The following GCKR variants were observed in gnomAD, a reference collection of about 807,000 sequenced individuals.
GCKR encodes glucokinase regulator.
In GCKR, 73 loss-of-function variants were observed where a neutral mutation model predicts 82.9. The ratio of observed to expected loss-of-function variants is 0.88; its 90% CI spans 0.73 to 1.07. GCKR has a LOEUF of 1.07. Ranked by LOEUF, GCKR falls within the 50% of genes least tolerant of loss-of-function variation. The pLI is 0.00. For missense variants in GCKR, 784 were observed against 782.1 expected, an observed-to-expected ratio of 1.00 and a Z score of -0.03; for synonymous variants, 294 against 291.8, an observed-to-expected ratio of 1.01 and a Z score of -0.08.
chr2:27,518,151 T>G (rs559460889), intron 16 of GCKR, among the ~76,000 whole-genome samples: 70 of 152,320 alleles, frequency 4.6e-4, no homozygotes, highest in Non-Finnish European at 5.3e-4. Flanking sequence ...GTTCAAGTGA[T>G]TCTTGTGCCT....
intron 16 of GCKR, among the ~76,000 whole-genome samples, chr2:27,515,837 C>A (rs529175304): frequency 6.8e-6 from 1 of 146,880 alleles, no homozygotes; most frequent in South Asian, 2.1e-4. Context: ...GATCAGATTT[C>A]ACTGCAACCT....
chr2:27,501,130 A>G lies in GCKR; in HGVS notation c.550-5A>G, dbSNP rs1669563971. 3.7e-6 allele frequency: 6 copies of G among 1,606,794 alleles called. No individual in the cohort carries two copies. Among genetic ancestry groups the G allele is most frequent in the Non-Finnish European group, 4.3e-6 (5 of 1,173,266 alleles). ...CATCATGCCCTTCTCTCTCTTCACC[A>G]TCAGGCTCCCTTTGTGGCAGGCCAG... On this transcript the variant is annotated splice_region_variant and splice_polypyrimidine_tract_variant and intron_variant, in intron 7 of 18. Coordinates refer to ENST00000264717, the MANE Select transcript of GCKR (RefSeq NM_001486.4).
Position 27,518,805 on chromosome 2 carries a change from A to T in GCKR, c.1440A>T (p.Leu480=), listed in dbSNP as rs534984839. The T allele has an allele frequency of 2.5e-6, 4 of 1,613,106 alleles. No individual in the cohort carries two copies. The highest frequency in any genetic ancestry group is 3.4e-6 in the Non-Finnish European group (4 of 1,179,018). ...CTTTTCAGAAGTTCCAGCGTGAGCTAAGCACCAAATGGGTGCTGAATACAG... is the reference window on the plus strand; with the variant it reads ...CTTTTCAGAAGTTCCAGCGTGAGCTTAGCACCAAATGGGTGCTGAATACAG... ...GNFIQKFQRE[L]STKWVLNTVS... The change falls in exon 17 of 19, where the codon CTA becomes CTT. Residue 480 remains leucine (L), a synonymous_variant. Transcript: ENST00000264717.
intron 18 of GCKR, 148 bp from the exon 19 acceptor site, chr2:27,523,121 A>G: frequency 2.8e-6 from 2 of 704,270 alleles, no homozygotes; most frequent in Non-Finnish European, 5.1e-6. Flanking sequence ...CTTGTCTCAA[A>G]CTCCTGAACT....
Position 27,518,837 on chromosome 2 carries a change from C to T in GCKR, c.1472C>T (p.Thr491Ile). ...AAATGGGTGCTGAATACAGTGAGTA[C>T]AGGTGCTCATGTGCTTCTTGGTAAG... ...STKWVLNTVS[T>I]GAHVLLGKIL... is the part of the protein sequence containing the mutation. Residue 491 changes from threonine to isoleucine, a missense_variant, in exon 17 of 19, where the codon ACA (threonine) becomes ATA (isoleucine). Coordinates refer to ENST00000264717, the MANE Select transcript of GCKR (RefSeq NM_001486.4). 1 of 1,612,638 alleles carries T rather than the reference C, an allele frequency of 6.2e-7. No homozygotes were observed. The highest frequency in any genetic ancestry group is 8.5e-7 in the Non-Finnish European group (1 of 1,178,642).
At chr2:27,504,935 G>A (rs1472092746) in intron 9 of GCKR, among the ~76,000 whole-genome samples, 1 of 151,808 alleles carries the variant, frequency 6.6e-6, no homozygotes, top group East Asian at 2.0e-4. Flanking sequence ...AGACCAGCTT[G>A]GCTAACATGG....
At chr2:27,497,722 T>G (rs1429007907) in intron 3 of GCKR, 92 bp downstream of exon 3, 1 of 799,910 alleles carries the variant, frequency 1.3e-6, no homozygotes, top group Non-Finnish European at 2.2e-6. Context: ...TAGATCTCAT[T>G]CTCCTTTCTC....
intron 8 of GCKR, 79 bp downstream of exon 8, chr2:27,501,308 G>A: frequency 1.1e-6 from 1 of 894,250 alleles, no homozygotes; most frequent in South Asian, 1.3e-5. Flanking sequence ...CAACCACAAG[G>A]GAGAGAACAG....
At chr2:27,513,538 A>AG (rs1344110268) in intron 16 of GCKR, among the ~76,000 whole-genome samples, 2 of 151,608 alleles carry the variant, frequency 1.3e-5, no homozygotes, top group Admixed American at 6.6e-5. Flanking sequence ...AAAAAAAAAA[A>AG]AAAGAAAGAA....
At chr2:27,502,163 C>T (rs1217589710) in intron 8 of GCKR, among the ~76,000 whole-genome samples, 1 of 152,168 alleles carries the variant, frequency 6.6e-6, no homozygotes, top group Non-Finnish European at 1.5e-5. Context: ...TTCCAAGGTG[C>T]TTTTTCACCT....
At chr2:27,522,693 C>T (rs534217806) in intron 18 of GCKR, 99 bp downstream of exon 18, 28 of 1,004,730 alleles carry the variant, frequency 2.8e-5, no homozygotes, top group African/African-American at 9.4e-5. Flanking sequence ...CTCAGTGGCA[C>T]TCTGCTCACA....
In GCKR at chr2:27,507,237, T is replaced by A. The variant is rs769212519; in HGVS notation, c.1069T>A (p.Phe357Ile). 6.2e-7 allele frequency: 1 copy of A among 1,607,268 alleles called. No homozygotes were observed. The highest frequency in any genetic ancestry group is 8.5e-7 in the Non-Finnish European group (1 of 1,173,664). Residue 357 changes from phenylalanine to isoleucine, a missense_variant and splice_region_variant, in exon 13 of 19, where the codon TTC (phenylalanine) becomes ATC (isoleucine). Physicochemically the swap from Phe to Ile is conservative, Grantham distance 21. Transcript: ENST00000264717. ...VECIHTFGAD[F>I]RDVRGFLIGD... is the part of the protein sequence containing the mutation. ...CTCCTTGTTCTTAAACTTCCCAGAT[T>A]TCCGAGATGTCCGTGGCTTTCTCAT...
intron 16 of GCKR, among the ~76,000 whole-genome samples, chr2:27,518,569 A>T (rs1225362079): frequency 1.3e-5 from 2 of 152,208 alleles, no homozygotes; most frequent in Admixed American, 1.3e-4. Flanking sequence ...CCTAGGGGTC[A>T]AAAACACAAA....
chr2:27,504,804 G>A (rs1669671460), intron 9 of GCKR, among the ~76,000 whole-genome samples: 1 of 152,130 alleles, frequency 6.6e-6, no homozygotes. Flanking sequence ...GAAAATGGTG[G>A]AAGTGGGGGA....
At chr2:27,522,652 A>G in intron 18 of GCKR, 58 bp downstream of exon 18, 1 of 1,470,432 alleles carries the variant, frequency 6.8e-7, no homozygotes, top group Non-Finnish European at 9.5e-7. Context: ...TCAGTGTGTC[A>G]GGAAGTTTGT....
At chr2:27,518,342 G>A (rs764157530) in intron 16 of GCKR, among the ~76,000 whole-genome samples, 4 of 152,188 alleles carry the variant, frequency 2.6e-5, no homozygotes, top group South Asian at 2.1e-4. Context: ...CACTGTGCCC[G>A]GCCTCAACAA....
At chr2:27,497,200 A>G (rs1168909763) in intron 1 of GCKR, 44 bp from the exon 2 acceptor site, 1 of 1,611,686 alleles carries the variant, frequency 6.2e-7, no homozygotes, top group Non-Finnish European at 8.5e-7. Context: ...GGCATGAATG[A>G]GGCTTTGGCT....
Position 27,508,211 on chromosome 2 carries a change from G to A in GCKR, c.1382G>A (p.Trp461Ter). The A allele has an allele frequency of 6.2e-7, 1 of 1,612,266 alleles. No individual in the cohort carries two copies. Among genetic ancestry groups the A allele is most frequent in the African/African-American group, 1.3e-5 (1 of 74,986 alleles). The change falls in exon 16 of 19, where the codon TGG becomes TAG. Residue 461 changes from tryptophan (W) to a stop codon, truncating the protein, a stop_gained. Transcript: ENST00000264717. LOFTEE classifies it high-confidence loss of function. ...KLFPSIISIT[W>*]PLLFFEYEGN... ...TTTCCCTCCATCATCAGCATCACAT[G>A]GCCACTGCTTTTCTTTGAATATGAA...
At chr2:27,503,688 G>A (rs1669640540) in intron 9 of GCKR, 69 bp downstream of exon 9, 3 of 807,190 alleles carry the variant, frequency 3.7e-6, no homozygotes, top group African/African-American at 1.7e-5. Flanking sequence ...ACTTCCTTGG[G>A]GCCTCTGATT....
Sources: gnomAD v4.1 joint callset for allele counts (sites outside exome capture counted in the v4.1 genomes callset) on GRCh38, gnomAD v4.1.1 for gene constraint, MANE v1.5 for transcripts, NCBI Gene and HGNC (gene_info 2026-07-23, HGNC 2026-07-21) for gene names.